The following WNK1 variants were observed in gnomAD, a reference collection of about 807,000 sequenced individuals.
WNK1 encodes the protein serine/threonine-protein kinase WNK1.
WNK1 carries 38 observed loss-of-function variants against 222.8 expected under a neutral mutation model. The observed-to-expected ratio is 0.17, with a 90% CI of 0.13 to 0.22. WNK1 has a LOEUF of 0.22. Among genes scored for constraint, WNK1 ranks in the 10% least tolerant of loss-of-function variants. The probability of loss-of-function intolerance (pLI) is 1.00; values close to 1 mark genes in which losing one functional copy is unlikely to be tolerated. For missense variants in WNK1, 2,348 were observed against 2,918.4 expected, an observed-to-expected ratio of 0.80 and a Z score of 4.50; for synonymous variants, 1,090 against 1,092.9, an observed-to-expected ratio of 1.00 and a Z score of 0.05.
intron 1 of WNK1, among the ~76,000 whole-genome samples, chr12:762,781 C>T (rs1349159099): frequency 1.4e-5 from 2 of 146,658 alleles, no homozygotes; most frequent in African/African-American, 4.9e-5. Flanking sequence ...GAGTTTCACT[C>T]TTGTTGCCCA....
chr12:856,797 G>A (rs986232471), intron 4 of WNK1, among the ~76,000 whole-genome samples: 1 of 152,216 alleles, frequency 6.6e-6, no homozygotes, highest in Non-Finnish European at 1.5e-5. Context: ...ATGCTGTATT[G>A]ATTTATGTGT....
At chr12:867,237 A>G (rs917159458) in intron 8 of WNK1, among the ~76,000 whole-genome samples, 4 of 152,248 alleles carry the variant, frequency 2.6e-5, no homozygotes, top group African/African-American at 9.6e-5. Context: ...TAATAAAACT[A>G]TTAATCATCT....
chr12:888,608 T>TG lies in WNK1; in HGVS notation c.5365-530dup, dbSNP rs1297600941. On this transcript the variant is annotated intron_variant, in intron 20 of 27. Transcript: ENST00000315939. ...GCGGTGGATGGAATGGTTAACAGGA[T>TG]GGAATACCCAGACCTCCTTGCCACC... Among the ~76,000 whole-genome samples, 5 of 152,274 alleles carry TG rather than the reference T, an allele frequency of 3.3e-5. No individual in the cohort carries two copies. The East Asian group carries it at 9.6e-4, about 29-fold the overall frequency.
At chr12:880,055 G>T in intron 11 of WNK1, 24 bp downstream of exon 11, 1 of 1,607,464 alleles carries the variant, frequency 6.2e-7, no homozygotes, top group South Asian at 1.1e-5. Context: ...TAGCAAAAGA[G>T]GGCACCACAG....
chr12:795,292 C>T (rs1039369366), intron 1 of WNK1, among the ~76,000 whole-genome samples: 11 of 134,708 alleles, frequency 8.2e-5, no homozygotes, highest in Admixed American at 2.6e-4. Context: ...TCAGATTTTC[C>T]GTTGTTTTTT....
intron 1 of WNK1, among the ~76,000 whole-genome samples, chr12:767,800 G>A (rs1334676303): frequency 2.0e-5 from 3 of 151,972 alleles, no homozygotes; most frequent in Admixed American, 6.6e-5. Context: ...AAGAGTTTTT[G>A]GCTTTTTCTG....
intron 1 of WNK1, among the ~76,000 whole-genome samples, chr12:764,775 A>G (rs1180040921): frequency 6.8e-6 from 1 of 147,344 alleles, no homozygotes; most frequent in African/African-American, 2.4e-5. Context: ...ATAAGAGAGA[A>G]GCACATAAAT....
chr12:800,254 AC>A (rs1464359718), intron 1 of WNK1, among the ~76,000 whole-genome samples: 3 of 152,306 alleles, frequency 2.0e-5, no homozygotes, highest in African/African-American at 7.2e-5. Flanking sequence ...CCAGAAAAAA[AC>A]ATTTATTAAG....
chr12:880,694 AAC>A, intron 11 of WNK1, 25 bp from the exon 12 acceptor site: 1 of 1,609,010 alleles, frequency 6.2e-7, no homozygotes, highest in Non-Finnish European at 8.5e-7. Context: ...AACCTGCTCT[AAC>A]TCACCTTCCT....
chr12:841,015 T>TG (rs1257641091), intron 4 of WNK1, among the ~76,000 whole-genome samples: 1 of 152,258 alleles, frequency 6.6e-6, no homozygotes, highest in Non-Finnish European at 1.5e-5. Context: ...CTGGAAAGAC[T>TG]GGTGTCACTG....
rs1360624115 is a variant in WNK1 at position 908,619 on chromosome 12, T to C, written c.6976T>C (p.Tyr2326His). 6.2e-7 allele frequency: 1 copy of C among 1,614,056 alleles called. No homozygotes were observed. Among genetic ancestry groups the C allele is most frequent in the East Asian group, 2.2e-5 (1 of 44,894 alleles). The change falls in exon 28 of 28, where the codon TAT becomes CAT. Residue 2326 changes from tyrosine to histidine, a missense_variant. Transcript: ENST00000315939. ...CAAGTCTATGTGCCCCCCACAGCAG[T>C]ATGGCTTTCCAGCTACCCCATTTGG... is the stretch of plus-strand genomic sequence containing the variant. ...FTKSMCPPQQ[Y>H]GFPATPFGAQ...
Position 881,012 on chromosome 12 carries a change from A to G in WNK1, c.3111+13A>G, listed in dbSNP as rs201876386. ...AGCAGTTTTGGAGGTAAATAGAATT[A>G]CTGCATGTTTATATGTAAAACGTAT... On this transcript the variant is annotated intron_variant, in intron 12 of 27. Transcript: ENST00000315939. The G allele has an allele frequency of 6.1e-5, 98 of 1,614,120 alleles. No individual in the cohort carries two copies. In the East Asian group the frequency reaches 2.2e-3, roughly 36 times the overall value.
chr12:801,421 C>A (rs1174098410), intron 1 of WNK1, among the ~76,000 whole-genome samples: 1 of 119,796 alleles, frequency 8.3e-6, no homozygotes, highest in African/African-American at 3.2e-5. Context: ...ACCTTTTTTT[C>A]TTTGTGTGTG....
At position 868,735 on chromosome 12, in the gene WNK1, A is replaced by G; in HGVS notation, c.2140-2530A>G. 6.2e-7 allele frequency: 1 copy of G among 1,613,958 alleles called. No homozygotes were observed. On this transcript the variant is annotated intron_variant, in intron 8 of 27. Transcript: ENST00000315939. ...TTGCAGTGGACTTGAATCAAGAAGA[A>G]CTGCCTCCTCAATCAGTTGGATTAC...
Position 768,446 on chromosome 12 carries a change from G to A in WNK1, c.759+14122G>A, listed in dbSNP as rs1294495923. On this transcript the variant is annotated intron_variant, in intron 1 of 27. Coordinates refer to ENST00000315939, the MANE Select transcript of WNK1 (RefSeq NM_018979.4). ...CTACCATGCCCGGCCTGCTTGTATCGGTTTCTTTATGTCTCCACAGATTTT... is the reference window on the plus strand; with the variant it reads ...CTACCATGCCCGGCCTGCTTGTATCAGTTTCTTTATGTCTCCACAGATTTT... 3.9e-5 allele frequency among the ~76,000 whole-genome samples: 6 copies of A among 151,940 alleles called. No individual in the cohort carries two copies. The East Asian group carries it at 7.8e-4, about 20-fold the overall frequency.
rs1010567306 is a variant in WNK1, at chr12:804,958, A to G, written c.760-8684A>G. Among the ~76,000 whole-genome samples, 11 of 147,750 alleles carry G rather than the reference A, an allele frequency of 7.4e-5. 1 individual carries two copies. The South Asian group carries it at 1.0e-3, about 14-fold the overall frequency. ...TAAATATTATATATATATAATATAA[A>G]ATATAATTAATATTTTAATATTAAA... On this transcript the variant is annotated intron_variant, in intron 1 of 27. Coordinates refer to ENST00000315939, the MANE Select transcript of WNK1 (RefSeq NM_018979.4).
chr12:846,455 A>C (rs1156744022), intron 4 of WNK1, among the ~76,000 whole-genome samples: 1 of 152,194 alleles, frequency 6.6e-6, no homozygotes, highest in Non-Finnish European at 1.5e-5. Context: ...ATGTATTCAG[A>C]GAGTAACGAG....
rs951200514 is a variant in WNK1, at chr12:909,616, A to C, written c.*824A>C. The C allele has an allele frequency of 2.0e-5, 3 of 152,182 alleles. No homozygotes were observed. Among genetic ancestry groups the C allele is most frequent in the Admixed American group, 6.5e-5 (1 of 15,274 alleles). The allele number at this position is 152,182 out of a possible 1,614,324, so 9.4% of individuals were successfully genotyped here. ...CTTTGTATTTCCATTGTATTAGATA[A>C]ATAAATGTGAATGTAAAATTGTATA... On this transcript the variant is annotated 3_prime_UTR_variant, in exon 28 of 28. Coordinates refer to ENST00000315939, the MANE Select transcript of WNK1 (RefSeq NM_018979.4).
At chr12:805,448 C>T (rs1295742082) in intron 1 of WNK1, among the ~76,000 whole-genome samples, 1 of 152,138 alleles carries the variant, frequency 6.6e-6, no homozygotes, top group African/African-American at 2.4e-5. Flanking sequence ...GGAAAAAATA[C>T]ATATACACTC....
Sources: gnomAD v4.1 joint callset for allele counts (sites outside exome capture counted in the v4.1 genomes callset) on GRCh38, gnomAD v4.1.1 for gene constraint, MANE v1.5 for transcripts, NCBI Gene and HGNC (gene_info 2026-07-23, HGNC 2026-07-21) for gene names.